Variants in METTL15 observed in about 807,000 individuals in gnomAD.
METTL15 encodes 12S rRNA N(4)-cytidine methyltransferase METTL15.
Under a neutral mutation model 38.3 loss-of-function variants are expected in METTL15, and 34 were observed. The ratio of observed to expected loss-of-function variants is 0.89; its 90% confidence interval spans 0.68 to 1.18. The LOEUF is 1.18. Ranked by LOEUF, METTL15 falls within the 50% of genes most tolerant of loss-of-function variation. METTL15 has a pLI of 0.00. For missense variants in METTL15, 438 were observed against 498.4 expected (o/e 0.88, Z 1.15); for synonymous variants, 162 against 170.9 (o/e 0.95, Z 0.41).
intron 6 of METTL15, among the ~76,000 whole-genome samples, chr11:28,501,368 C>G (rs1428651243): frequency 6.6e-6 from 1 of 152,150 alleles, no homozygotes; most frequent in Non-Finnish European, 1.5e-5. Context: ...CATGGCATCC[C>G]AGTATGGTTA....
chr11:28,144,623 A>G (rs1433007013), intron 3 of METTL15, among the ~76,000 whole-genome samples: 1 of 151,986 alleles, frequency 6.6e-6, no homozygotes, highest in Non-Finnish European at 1.5e-5. Flanking sequence ...TTAGATATAT[A>G]TATGTGCGTG....
chr11:28,302,286 G>A (rs1377170147), intron 6 of METTL15, among the ~76,000 whole-genome samples: 1 of 152,106 alleles, frequency 6.6e-6, no homozygotes, highest in Non-Finnish European at 1.5e-5. Flanking sequence ...TCTGCTTTTA[G>A]AATGTTTGGA....
chr11:28,219,679 CT>C (rs1173864004), intron 4 of METTL15, among the ~76,000 whole-genome samples: 2 of 152,088 alleles, frequency 1.3e-5, no homozygotes, highest in African/African-American at 4.8e-5. Flanking sequence ...ATCTTTCCTG[CT>C]TTCTCTTGTG....
Position 28,330,532 on chromosome 11 carries a change from A to G in METTL15, c.915A>G (p.Thr305=). 3 of 1,551,722 alleles carry G rather than the reference A, an allele frequency of 1.9e-6. No homozygotes were observed. Among genetic ancestry groups the G allele is most frequent in the Non-Finnish European group, 8.7e-7 (1 of 1,146,994 alleles). The change falls in exon 7 of 7, where the codon ACA becomes ACG. Residue 305 remains threonine (T), a synonymous_variant. Coordinates refer to ENST00000407364, the MANE Select transcript of METTL15 (RefSeq NM_001113528.2). The part of the protein sequence containing the change: ...ELNELYTGLK[T]AQKFLRPGGR... ...ATGAACTCTACACGGGACTGAAGAC[A>G]GCTCAGAAGTTTCTGAGACCTGGTG...
intron 4 of METTL15, chr11:28,287,140 TAGAG>T (rs143169028): frequency 0.014 from 2,188 of 154,288 alleles, 32 homozygotes; most frequent in Non-Finnish European, 0.015. Context: ...TGTATATATA[TAGAG>T]AGAGAGAGAC....
intron 6 of METTL15, among the ~76,000 whole-genome samples, chr11:28,329,573 G>T (rs7932126): frequency 0.46 from 70,157 of 151,830 alleles, 17,742 homozygotes; most frequent in Admixed American, 0.56. Flanking sequence ...TGAACATACA[G>T]TAATTAAGTC....
chr11:28,466,501 C>G (rs1167155648), intron 6 of METTL15, among the ~76,000 whole-genome samples: 1 of 152,152 alleles, frequency 6.6e-6, no homozygotes, highest in Non-Finnish European at 1.5e-5. Context: ...CAGCTCAGCC[C>G]ATTCCACAAG....
At chr11:28,396,631 G>A (rs1273586385) in intron 5 of METTL15, among the ~76,000 whole-genome samples, 1 of 152,068 alleles carries the variant, frequency 6.6e-6, no homozygotes, top group Non-Finnish European at 1.5e-5. Context: ...CTCATGGATA[G>A]GAAGAATCAA....
At chr11:28,153,621 G>T (rs1445679628) in intron 3 of METTL15, among the ~76,000 whole-genome samples, 1 of 152,094 alleles carries the variant, frequency 6.6e-6, no homozygotes, top group Non-Finnish European at 1.5e-5. Context: ...TTGGTTGCTT[G>T]TAAGAAAATA....
intron 6 of METTL15, among the ~76,000 whole-genome samples, chr11:28,507,929 G>A (rs1041077638): frequency 6.6e-6 from 1 of 152,048 alleles, no homozygotes; most frequent in Non-Finnish European, 1.5e-5. Context: ...ATTTTTAAAT[G>A]TAAATCAGGT....
intron 4 of METTL15, among the ~76,000 whole-genome samples, chr11:28,268,163 C>T (rs1158052869): frequency 7.4e-6 from 1 of 135,936 alleles, no homozygotes; most frequent in Admixed American, 7.7e-5. Context: ...CGCCACTGCA[C>T]TCCAGCCTGG....
chr11:28,114,466 T>C (rs1310357814), intron 3 of METTL15, among the ~76,000 whole-genome samples: 3 of 152,194 alleles, frequency 2.0e-5, no homozygotes, highest in African/African-American at 7.2e-5. Flanking sequence ...TTTTCTTTTT[T>C]TTGAAACAGA....
chr11:28,216,909 G>A (rs1441039357), intron 4 of METTL15, among the ~76,000 whole-genome samples: 4 of 151,538 alleles, frequency 2.6e-5, no homozygotes, highest in Non-Finnish European at 5.9e-5. Context: ...TTTTATGGCT[G>A]CATAGTATTC....
chr11:28,233,553 A>G (rs1853785362), intron 4 of METTL15, among the ~76,000 whole-genome samples: 1 of 151,932 alleles, frequency 6.6e-6, no homozygotes, highest in Non-Finnish European at 1.5e-5. Context: ...TGGGCAAGTT[A>G]CTCCAAGCCT....
chr11:28,219,416 C>G (rs982219418), intron 4 of METTL15, among the ~76,000 whole-genome samples: 3 of 152,074 alleles, frequency 2.0e-5, no homozygotes, highest in Admixed American at 1.3e-4. Flanking sequence ...TCCCCTTTAT[C>G]ATTTTTTATT....
At chr11:28,276,353 A>G (rs568250351) in intron 4 of METTL15, among the ~76,000 whole-genome samples, 9 of 152,254 alleles carry the variant, frequency 5.9e-5, no homozygotes, top group Admixed American at 2.0e-4. Flanking sequence ...CAATAGCTAT[A>G]AAAATATAAA....
At chr11:28,479,798 G>A (rs1161447311) in intron 6 of METTL15, among the ~76,000 whole-genome samples, 4 of 152,136 alleles carry the variant, frequency 2.6e-5, no homozygotes, top group African/African-American at 9.7e-5. Context: ...ATATGTACAT[G>A]TTTATAAGTT....
intron 6 of METTL15, among the ~76,000 whole-genome samples, chr11:28,321,013 A>T (rs1417485674): frequency 6.6e-6 from 1 of 152,150 alleles, no homozygotes; most frequent in African/African-American, 2.4e-5. Context: ...CATTAGTCAG[A>T]TGCTTCAGGG....
At chr11:28,308,700 A>G (rs1349713975) in intron 6 of METTL15, among the ~76,000 whole-genome samples, 2 of 152,038 alleles carry the variant, frequency 1.3e-5, no homozygotes, top group African/African-American at 2.4e-5. Context: ...GGCTTTTTTA[A>G]TGACAGTTAT....
Sources: allele counts gnomAD v4.1 joint callset (sites outside exome capture counted in the v4.1 genomes callset), GRCh38; gene constraint gnomAD v4.1.1; transcripts MANE v1.5; gene names NCBI Gene and HGNC (gene_info 2026-07-23, HGNC 2026-07-21).